Variants in MTUS1 observed in about 807,000 individuals in gnomAD.
MTUS1 encodes microtubule-associated tumor suppressor 1.
A neutral mutation model predicts 120.8 loss-of-function variants in MTUS1; 109 were observed. That is an observed-to-expected ratio of 0.90 (90% CI 0.77 to 1.06). MTUS1 has a LOEUF of 1.06. Among genes scored for constraint, MTUS1 ranks in the 50% least tolerant of loss-of-function variants. The probability of loss-of-function intolerance (pLI) is 0.00; values close to 1 mark genes in which losing one functional copy is unlikely to be tolerated. For missense variants in MTUS1, 2,210 were observed against 1,486.3 expected, an observed-to-expected ratio of 1.49 and a Z score of -8.01; for synonymous variants, 737 against 550.5, an observed-to-expected ratio of 1.34 and a Z score of -4.74.
In MTUS1 at chr8:17,801,077, C is replaced by T. The variant is rs1004325410; in HGVS notation, c.-171G>A. ...CGCACTTACCCGCAGCTCCTTCAAG[C>T]GCTCCGGGAGCAAAGACGCAGAGGC... On this transcript the variant is annotated 5_prime_UTR_variant, in exon 1 of 15. Transcript: ENST00000693296. 2.6e-5 allele frequency among the ~76,000 whole-genome samples: 4 copies of T among 152,174 alleles called. No homozygotes were observed. Among genetic ancestry groups the T allele is most frequent in the African/African-American group, 4.8e-5 (2 of 41,544 alleles).
At chr8:17,731,756 G>A (rs1052229112) in intron 3 of MTUS1, among the ~76,000 whole-genome samples, 1 of 152,142 alleles carries the variant, frequency 6.6e-6, no homozygotes, top group African/African-American at 2.4e-5. Flanking sequence ...AAATATAAGT[G>A]AGCGAAAGCT....
At chr8:17,797,065 T>G (rs2052300272) in intron 1 of MTUS1, among the ~76,000 whole-genome samples, 1 of 151,674 alleles carries the variant, frequency 6.6e-6, no homozygotes, top group Non-Finnish European at 1.5e-5. Flanking sequence ...TGAGCTGAGA[T>G]CGCACGCACC....
At chr8:17,771,560 AAT>A (rs2050026182) in intron 1 of MTUS1, among the ~76,000 whole-genome samples, 1 of 152,216 alleles carries the variant, frequency 6.6e-6, no homozygotes, top group Non-Finnish European at 1.5e-5. Context: ...TACTTTACAA[AAT>A]AGTCAGTGTA....
intron 6 of MTUS1, among the ~76,000 whole-genome samples, chr8:17,690,579 A>T (rs1393264381): frequency 2.6e-5 from 4 of 152,232 alleles, no homozygotes; most frequent in African/African-American, 9.6e-5. Flanking sequence ...TTATAACAGA[A>T]ATGAAAATTA....
At chr8:17,697,340 T>C (rs1279279472) in intron 6 of MTUS1, 9 of 1,614,018 alleles carry the variant, frequency 5.6e-6, no homozygotes, top group Non-Finnish European at 7.6e-6. Flanking sequence ...CAGTCGTATG[T>C]GAATGGTGGA....
intron 7 of MTUS1, among the ~76,000 whole-genome samples, chr8:17,676,823 G>A (rs1171118024): frequency 1.3e-5 from 2 of 152,282 alleles, no homozygotes; most frequent in South Asian, 2.1e-4. Flanking sequence ...TAGGTGAAGA[G>A]CAAGGAAAGG....
At chr8:17,703,625 T>C (rs1446744627) in intron 6 of MTUS1, among the ~76,000 whole-genome samples, 1 of 107,320 alleles carries the variant, frequency 9.3e-6, no homozygotes, top group Non-Finnish European at 1.9e-5. Context: ...CCAGACTCTG[T>C]CTCAAAAAAA....
chr8:17,754,870 A>T lies in MTUS1; in HGVS notation c.938T>A (p.Leu313Ter), dbSNP rs1262110173. Residue 313 changes from leucine (L) to a stop codon, truncating the protein, a stop_gained, in exon 2 of 15, where the codon TTA becomes TAA. Coordinates refer to ENST00000693296, the MANE Select transcript of MTUS1 (RefSeq NM_001363059.2). LOFTEE classifies it high-confidence loss of function. ...TTCGCTATTGGATTCATCATGGGAT[A>T]AACAAAAGAACTCTTGTAATGCAGA... The part of the protein sequence containing the change: ...NDSALQEFFC[L>*]SHDESNSEPH... The T allele has an allele frequency of 3.7e-6, 6 of 1,614,256 alleles. No homozygotes were observed. Among genetic ancestry groups the T allele is most frequent in the Non-Finnish European group, 5.1e-6 (6 of 1,180,042 alleles).
chr8:17,794,048 C>T (rs1170823586), intron 1 of MTUS1, among the ~76,000 whole-genome samples: 1 of 152,144 alleles, frequency 6.6e-6, no homozygotes, highest in Non-Finnish European at 1.5e-5. Context: ...CAAACACAGG[C>T]CGGGCACAGT....
At chr8:17,660,895 G>A (rs943216621) in intron 8 of MTUS1, among the ~76,000 whole-genome samples, 1 of 152,170 alleles carries the variant, frequency 6.6e-6, no homozygotes, top group Non-Finnish European at 1.5e-5. Flanking sequence ...TCACAAAGCA[G>A]AGAAGATAGA....
rs117421815 is a variant in MTUS1, at chr8:17,724,780, T to C, written c.2288-947A>G. Reference sequence around the variant, plus strand: ...TATTTTCTCTACTTTCCTCTAACCATTGTCCTATGCGGATGAATCCCATGT... The same window carrying C: ...TATTTTCTCTACTTTCCTCTAACCACTGTCCTATGCGGATGAATCCCATGT... On this transcript the variant is annotated intron_variant, in intron 3 of 14. Coordinates refer to ENST00000693296, the MANE Select transcript of MTUS1 (RefSeq NM_001363059.2). Among the ~76,000 whole-genome samples the C allele has an allele frequency of 3.7e-3, 557 of 152,308 alleles. 4 individuals carry two copies. The Middle Eastern group carries it at 0.044, about 12-fold the overall frequency.
At chr8:17,724,022 G>C in intron 3 of MTUS1, 189 bp from the exon 4 acceptor site, 1 of 583,612 alleles carries the variant, frequency 1.7e-6, no homozygotes, top group East Asian at 2.9e-5. Context: ...ATCATTTAGA[G>C]GCAAGAGAGC....
chr8:17,667,881 G>C (rs1301246986), intron 8 of MTUS1, among the ~76,000 whole-genome samples: 1 of 152,152 alleles, frequency 6.6e-6, no homozygotes. Flanking sequence ...TTAGGGATGA[G>C]TAGGCACCAA....
At chr8:17,729,984 CAA>C (rs36018422) in intron 3 of MTUS1, among the ~76,000 whole-genome samples, 20,585 of 85,518 alleles carry the variant, frequency 0.24, 1,301 homozygotes, top group Middle Eastern at 0.3. Context: ...ATGCTATCAT[CAA>C]AAAAAAAAAA....
At chr8:17,757,680 T>A (rs895253037) in intron 1 of MTUS1, among the ~76,000 whole-genome samples, 1 of 152,170 alleles carries the variant, frequency 6.6e-6, no homozygotes, top group Admixed American at 6.5e-5. Context: ...GTGTACACCT[T>A]CATGCGTGGC....
chr8:17,698,481 G>C (rs764200272), intron 6 of MTUS1, among the ~76,000 whole-genome samples: 34 of 152,148 alleles, frequency 2.2e-4, no homozygotes, highest in Admixed American at 5.2e-4. Flanking sequence ...CGAATAGCCT[G>C]AGCTCTTAAC....
rs556598535 is a variant in MTUS1, at chr8:17,655,847, C to A, written c.3108+16G>T. On this transcript the variant is annotated intron_variant, in intron 9 of 14. Transcript: ENST00000693296. ...AGCAGAGGCCTCAGACAAGCTCTGGCTGCAAAAGCACAGACCTGCTCTTGC... is the reference window on the plus strand; with the variant it reads ...AGCAGAGGCCTCAGACAAGCTCTGGATGCAAAAGCACAGACCTGCTCTTGC... The A allele has an allele frequency of 6.2e-7, 1 of 1,613,180 alleles. No homozygotes were observed. Among genetic ancestry groups the A allele is most frequent in the South Asian group, 1.1e-5 (1 of 91,058 alleles).
At chr8:17,684,214 C>A in intron 7 of MTUS1, 114 bp downstream of exon 7, 2 of 750,702 alleles carry the variant, frequency 2.7e-6, no homozygotes, top group Non-Finnish European at 4.7e-6. Flanking sequence ...ATGAATGACA[C>A]CTGATCTTTC....
intron 7 of MTUS1, among the ~76,000 whole-genome samples, chr8:17,679,299 A>G (rs1013117412): frequency 1.3e-5 from 2 of 151,198 alleles, no homozygotes; most frequent in East Asian, 2.0e-4. Flanking sequence ...TACATAATGT[A>G]TATGTATACA....
Sources: gnomAD v4.1 joint callset for allele counts (sites outside exome capture counted in the v4.1 genomes callset) on GRCh38, gnomAD v4.1.1 for gene constraint, MANE v1.5 for transcripts, NCBI Gene and HGNC (gene_info 2026-07-23, HGNC 2026-07-21) for gene names.